The following SEMA5A variants were observed in gnomAD, a reference collection of about 807,000 sequenced individuals.
SEMA5A encodes the protein semaphorin-5A.
A neutral mutation model predicts 135.5 loss-of-function variants in SEMA5A; 55 were observed. The observed-to-expected ratio is 0.41, with a 90% CI of 0.33 to 0.51. The LOEUF is 0.51. Among genes scored for constraint, SEMA5A ranks in the 20% least tolerant of loss-of-function variants. SEMA5A has a pLI of 0.37. For synonymous variants in SEMA5A, 580 were observed against 546.5 expected (o/e 1.06, Z -0.85); for missense variants, 1,290 against 1,419.9 (o/e 0.91, Z 1.47).
intron 19 of SEMA5A, among the ~76,000 whole-genome samples, chr5:9,052,472 T>G (rs1231035197): frequency 1.3e-5 from 2 of 152,188 alleles, no homozygotes; most frequent in East Asian, 3.8e-4. Flanking sequence ...CCTTCCTCTG[T>G]GCTCAGGCGA....
At chr5:9,538,768 G>C (rs1249311361) in intron 1 of SEMA5A, among the ~76,000 whole-genome samples, 2 of 152,174 alleles carry the variant, frequency 1.3e-5, no homozygotes, top group Non-Finnish European at 2.9e-5. Context: ...CAGGAAGAAA[G>C]TGTTTCAGTA....
chr5:9,527,683 T>A (rs1366063126), intron 1 of SEMA5A, among the ~76,000 whole-genome samples: 1 of 152,226 alleles, frequency 6.6e-6, no homozygotes, highest in Non-Finnish European at 1.5e-5. Context: ...GAACAGGCAA[T>A]TTACATGCAT....
chr5:9,478,827 A>G (rs578118138), intron 1 of SEMA5A, among the ~76,000 whole-genome samples: 1 of 152,274 alleles, frequency 6.6e-6, no homozygotes, highest in East Asian at 1.9e-4. Flanking sequence ...GACTTTGAGG[A>G]GAGGCATAAT....
chr5:9,258,683 T>C (rs1378717527), intron 5 of SEMA5A, among the ~76,000 whole-genome samples: 2 of 152,154 alleles, frequency 1.3e-5, no homozygotes, highest in Admixed American at 6.5e-5. Flanking sequence ...TCAAAGGGTC[T>C]TGGTGAGTAT....
intron 2 of SEMA5A, among the ~76,000 whole-genome samples, chr5:9,389,270 C>T (rs1756042306): frequency 6.6e-6 from 1 of 151,308 alleles, no homozygotes; most frequent in Admixed American, 6.6e-5. Flanking sequence ...TTGTTTTCTC[C>T]ATCTACACGT....
intron 2 of SEMA5A, among the ~76,000 whole-genome samples, chr5:9,410,050 T>C (rs554646039): frequency 3.9e-5 from 6 of 152,164 alleles, no homozygotes; most frequent in Non-Finnish European, 8.8e-5. Flanking sequence ...TTAGCTTCTG[T>C]TTTACCATGA....
chr5:9,337,214 C>A (rs1470564003), intron 4 of SEMA5A, among the ~76,000 whole-genome samples: 1 of 152,114 alleles, frequency 6.6e-6, no homozygotes. Flanking sequence ...ATCAAGGTAA[C>A]AAAGAAAGGT....
chr5:9,202,462 A>G (rs40682), intron 8 of SEMA5A, among the ~76,000 whole-genome samples: 146,308 of 152,306 alleles, frequency 0.96, 70,549 homozygotes, highest in Middle Eastern at 1. Context: ...TGGTATGATT[A>G]CACACTCAAG....
At chr5:9,215,358 C>G (rs1746559144) in intron 8 of SEMA5A, among the ~76,000 whole-genome samples, 1 of 151,886 alleles carries the variant, frequency 6.6e-6, no homozygotes, top group South Asian at 2.1e-4. Context: ...CATCCCCCAA[C>G]CAAAAAAATA....
chr5:9,358,089 A>G (rs1296937871), intron 3 of SEMA5A, among the ~76,000 whole-genome samples: 1 of 152,066 alleles, frequency 6.6e-6, no homozygotes, highest in Non-Finnish European at 1.5e-5. Flanking sequence ...TCCAGCTTCT[A>G]TAACACACTT....
chr5:9,466,062 C>T (rs569439128), intron 1 of SEMA5A, among the ~76,000 whole-genome samples: 351 of 152,160 alleles, frequency 2.3e-3, no homozygotes, highest in Non-Finnish European at 3.3e-3. Flanking sequence ...TTCTTTCTCT[C>T]GAGGGTAATG....
intron 3 of SEMA5A, among the ~76,000 whole-genome samples, chr5:9,349,317 C>T (rs985339249): frequency 6.6e-6 from 1 of 152,138 alleles, no homozygotes; most frequent in East Asian, 1.9e-4. Flanking sequence ...AATTCATGTA[C>T]GTAGTCAAGT....
rs60253719 is a variant in SEMA5A at position 9,275,769 on chromosome 5, A to T, written c.271-37879T>A. Reference sequence around the variant, plus strand: ...CTCAATAGATACAGAAAAGGCCTTCAACAAAATTCAACAATGTTCATGCTA... The same window carrying T: ...CTCAATAGATACAGAAAAGGCCTTCTACAAAATTCAACAATGTTCATGCTA... On this transcript the variant is annotated intron_variant, in intron 5 of 22. Transcript: ENST00000382496. 5.9e-5 allele frequency among the ~76,000 whole-genome samples: 9 copies of T among 152,346 alleles called. No homozygotes were observed. In the East Asian group the frequency reaches 1.7e-3, roughly 29 times the overall value.
intron 1 of SEMA5A, among the ~76,000 whole-genome samples, chr5:9,469,936 T>G (rs1349098894): frequency 6.6e-6 from 1 of 152,184 alleles, no homozygotes; most frequent in African/African-American, 2.4e-5. Context: ...CAATTTAGGA[T>G]GTGTACAACT....
intron 15 of SEMA5A, among the ~76,000 whole-genome samples, chr5:9,115,035 A>AC (rs773640201): frequency 6.6e-6 from 1 of 152,182 alleles, no homozygotes; most frequent in Non-Finnish European, 1.5e-5. Flanking sequence ...TCTCAGCAGC[A>AC]CCCCAAGGTA....
At chr5:9,199,211 C>G (rs1308497795) in intron 9 of SEMA5A, among the ~76,000 whole-genome samples, 2 of 152,144 alleles carry the variant, frequency 1.3e-5, no homozygotes, top group Non-Finnish European at 2.9e-5. Flanking sequence ...TCTGGTGTCA[C>G]CCAGAGACTC....
intron 13 of SEMA5A, among the ~76,000 whole-genome samples, chr5:9,131,130 C>T (rs923026900): frequency 1.3e-5 from 2 of 152,112 alleles, no homozygotes; most frequent in African/African-American, 4.8e-5. Context: ...AAAGGAATAC[C>T]TGAGGCTGGG....
At chr5:9,275,364 C>T (rs11748180) in intron 5 of SEMA5A, among the ~76,000 whole-genome samples, 57,043 of 151,670 alleles carry the variant, frequency 0.38, 11,204 homozygotes, top group South Asian at 0.44. Context: ...AAAAAAAGTC[C>T]GGGACCAGAT....
intron 4 of SEMA5A, among the ~76,000 whole-genome samples, chr5:9,332,001 T>G (rs542466442): frequency 6.6e-6 from 1 of 152,312 alleles, no homozygotes; most frequent in Admixed American, 6.5e-5. Context: ...AGTCAAGGGG[T>G]TTAGTGCAAG....
Sources: allele counts gnomAD v4.1 joint callset (sites outside exome capture counted in the v4.1 genomes callset), GRCh38; gene constraint gnomAD v4.1.1; transcripts MANE v1.5; gene names NCBI Gene and HGNC (gene_info 2026-07-23, HGNC 2026-07-21).